NCKAP5: variants seen among roughly 807,000 people sequenced by gnomAD.
NCKAP5 encodes the protein nck-associated protein 5.
A neutral mutation model predicts 167.0 loss-of-function variants in NCKAP5; 92 were observed. The observed-to-expected ratio is 0.55, with a 90% confidence interval of 0.47 to 0.66. NCKAP5 has a LOEUF of 0.66. Ranked by LOEUF, NCKAP5 falls within the 30% of genes least tolerant of loss-of-function variation. The pLI is 0.00. For missense variants in NCKAP5, 2,378 were observed against 2,315.0 expected, an observed-to-expected ratio of 1.03 and a Z score of -0.56; for synonymous variants, 891 against 877.4, an observed-to-expected ratio of 1.02 and a Z score of -0.27.
chr2:133,155,065 T>A (rs2083523883), intron 5 of NCKAP5, among the ~76,000 whole-genome samples: 1 of 152,236 alleles, frequency 6.6e-6, no homozygotes. Flanking sequence ...TCTCCCCTAA[T>A]GCAGGAGCAG....
At chr2:133,660,535 C>A in the NCKAP5 span, among the ~76,000 whole-genome samples, 1 of 151,970 alleles carries the variant, frequency 6.6e-6, no homozygotes, top group Admixed American at 6.6e-5. Flanking sequence ...GTGGTATTTT[C>A]AAAATTTTCA....
chr2:133,669,503 C>T, the NCKAP5 span, among the ~76,000 whole-genome samples: 1 of 152,150 alleles, frequency 6.6e-6, no homozygotes, highest in Non-Finnish European at 1.5e-5. Context: ...TGCTCCACCA[C>T]TTGCCAGGTC....
At chr2:133,659,993 T>A in the NCKAP5 span, among the ~76,000 whole-genome samples, 17 of 152,196 alleles carry the variant, frequency 1.1e-4, no homozygotes, top group Non-Finnish European at 1.9e-4. Flanking sequence ...AGGCAGAAAG[T>A]ATTGGAGATA....
chr2:133,362,157 T>A (rs534730264), intron 3 of NCKAP5, among the ~76,000 whole-genome samples: 2 of 152,214 alleles, frequency 1.3e-5, no homozygotes, highest in Non-Finnish European at 2.9e-5. Context: ...GCCGATGATG[T>A]AATGCTAATA....
chr2:132,991,331 C>T lies in NCKAP5; in HGVS notation c.429+2821G>A, dbSNP rs138269427. On this transcript the variant is annotated intron_variant, in intron 7 of 19. Transcript: ENST00000409261. ...CATGAAAATGTTATTAATGTCACTTCATGCACAAAACTTGAAATCATGCAA... is the reference window on the plus strand; with the variant it reads ...CATGAAAATGTTATTAATGTCACTTTATGCACAAAACTTGAAATCATGCAA... Among the ~76,000 whole-genome samples the T allele has an allele frequency of 7.1e-4, 108 of 152,260 alleles. 1 individual carries two copies. Among genetic ancestry groups the T allele is most frequent in the African/African-American group, 2.5e-3 (105 of 41,548 alleles).
intron 8 of NCKAP5, among the ~76,000 whole-genome samples, chr2:132,896,539 G>C (rs1301723052): frequency 1.3e-5 from 2 of 152,146 alleles, no homozygotes; most frequent in East Asian, 3.9e-4. Flanking sequence ...CTTATCGAGG[G>C]CTGGATAAAG....
chr2:132,880,358 G>T (rs1481471926), intron 8 of NCKAP5, among the ~76,000 whole-genome samples: 1 of 152,124 alleles, frequency 6.6e-6, no homozygotes, highest in Non-Finnish European at 1.5e-5. Context: ...GGCTGGGCTT[G>T]GTGGCTCACT....
At chr2:133,488,803 C>G (rs1431746488) in intron 3 of NCKAP5, among the ~76,000 whole-genome samples, 1 of 152,146 alleles carries the variant, frequency 6.6e-6, no homozygotes, top group East Asian at 1.9e-4. Context: ...ATAGTCTCAG[C>G]TACTTGGAAG....
chr2:133,350,394 CAAAG>C (rs1038768009), intron 3 of NCKAP5, among the ~76,000 whole-genome samples: 2 of 151,966 alleles, frequency 1.3e-5, no homozygotes, highest in Non-Finnish European at 2.9e-5. Context: ...GCCTGATCAA[CAAAG>C]AAAGACCCTG....
intron 3 of NCKAP5, among the ~76,000 whole-genome samples, chr2:133,412,326 A>T (rs1476463678): frequency 6.6e-6 from 1 of 152,156 alleles, no homozygotes; most frequent in East Asian, 1.9e-4. Flanking sequence ...CTGATCTTGG[A>T]CTTCCAGACT....
intron 5 of NCKAP5, among the ~76,000 whole-genome samples, chr2:133,187,512 C>A (rs1821423): frequency 0.19 from 29,542 of 151,782 alleles, 3,494 homozygotes; most frequent in African/African-American, 0.34. Context: ...CAAATTACTG[C>A]GACCCCATAT....
chr2:133,123,100 T>C (rs2082298687), intron 6 of NCKAP5: 1 of 152,224 alleles, frequency 6.6e-6, no homozygotes, highest in African/African-American at 2.4e-5. Context: ...CTGTTTTCTC[T>C]ACAGGGATGA....
chr2:132,942,280 G>A (rs1300535638), intron 8 of NCKAP5, among the ~76,000 whole-genome samples: 1 of 152,084 alleles, frequency 6.6e-6, no homozygotes, highest in Non-Finnish European at 1.5e-5. Flanking sequence ...TGAAACTTTA[G>A]TATGCATCAG....
intron 5 of NCKAP5, among the ~76,000 whole-genome samples, chr2:133,190,927 TC>T (rs1176106809): frequency 6.6e-6 from 1 of 152,088 alleles, no homozygotes. Flanking sequence ...AAATGGGATC[TC>T]ATTAAACTAA....
intron 6 of NCKAP5, among the ~76,000 whole-genome samples, chr2:133,052,747 A>G: frequency 6.6e-6 from 1 of 152,034 alleles, no homozygotes; most frequent in East Asian, 1.9e-4. Flanking sequence ...AGTTCGATGT[A>G]AAAAACAAGT....
intron 3 of NCKAP5, among the ~76,000 whole-genome samples, chr2:133,516,082 T>C (rs1575090657): frequency 1.3e-5 from 2 of 152,346 alleles, no homozygotes; most frequent in Admixed American, 1.3e-4. Flanking sequence ...AGAATCTTTC[T>C]TGAGCTGCTC....
intron 6 of NCKAP5, among the ~76,000 whole-genome samples, chr2:133,063,991 A>G (rs754795588): frequency 3.3e-5 from 5 of 152,200 alleles, no homozygotes; most frequent in Non-Finnish European, 5.9e-5. Context: ...GCAACCCTCC[A>G]AAACATCGTT....
rs191863741 is a variant in NCKAP5 at position 133,329,784 on chromosome 2, G to A, written c.70-26674C>T. ...AAAAATGCTAAAGAAGACACACACT[G>A]TACCCCAAAGGTGAGAAAAAGGAGT... On this transcript the variant is annotated intron_variant, in intron 3 of 19. Coordinates refer to ENST00000409261, the MANE Select transcript of NCKAP5 (RefSeq NM_207363.3). 4.9e-3 allele frequency among the ~76,000 whole-genome samples: 747 copies of A among 152,236 alleles called. 8 individuals carry two copies. Among genetic ancestry groups the A allele is most frequent in the African/African-American group, 0.017 (705 of 41,514 alleles).
intron 16 of NCKAP5, among the ~76,000 whole-genome samples, chr2:132,770,675 C>T (rs1681963227): frequency 6.6e-6 from 1 of 151,978 alleles, no homozygotes; most frequent in South Asian, 2.1e-4. Flanking sequence ...TCCAACAGAA[C>T]ACTGATGAGG....
Sources: allele counts gnomAD v4.1 joint callset (sites outside exome capture counted in the v4.1 genomes callset), GRCh38; gene constraint gnomAD v4.1.1; transcripts MANE v1.5; gene names NCBI Gene and HGNC (gene_info 2026-07-23, HGNC 2026-07-21).